Variants in FOXP2 observed in about 807,000 individuals in gnomAD.
FOXP2 encodes the protein forkhead box P2, also known as forkhead box protein P2.
In FOXP2, 12 loss-of-function variants were observed where a neutral mutation model predicts 115.8. That is an observed-to-expected ratio of 0.10 (90% CI 0.07 to 0.17). The LOEUF (loss-of-function observed/expected upper bound fraction) is 0.17, where lower values mean the gene tolerates loss of function less well. Among genes scored for constraint, FOXP2 ranks in the 10% least tolerant of loss-of-function variants. The pLI is 1.00. For missense variants in FOXP2, 629 were observed against 843.5 expected (o/e 0.75, Z 3.15); for synonymous variants, 328 against 297.7 (o/e 1.10, Z -1.05).
intron 1 of FOXP2, among the ~76,000 whole-genome samples, chr7:114,261,040 A>G (rs1351399212): frequency 6.6e-6 from 1 of 152,198 alleles, no homozygotes; most frequent in African/African-American, 2.4e-5. Flanking sequence ...TAGATGGTGG[A>G]TAAGCTATGT....
At chr7:114,244,158 CA>C (rs1584572315) in intron 1 of FOXP2, among the ~76,000 whole-genome samples, 1 of 152,040 alleles carries the variant, frequency 6.6e-6, no homozygotes, top group Admixed American at 6.6e-5. Flanking sequence ...TTCCGGTTTA[CA>C]AAAAATTGTG....
At chr7:114,348,193 A>G (rs1791393538) in intron 2 of FOXP2, among the ~76,000 whole-genome samples, 1 of 152,100 alleles carries the variant, frequency 6.6e-6, no homozygotes, top group Admixed American at 6.6e-5. Flanking sequence ...TAAGTCAAAT[A>G]CATTTAAAAA....
At chr7:114,233,149 T>A (rs1244990374) in intron 1 of FOXP2, among the ~76,000 whole-genome samples, 1 of 152,204 alleles carries the variant, frequency 6.6e-6, no homozygotes, top group Non-Finnish European at 1.5e-5. Context: ...AAAGGGTAGA[T>A]CTCATGTTAT....
chr7:114,498,162 C>G (rs914840360), intron 2 of FOXP2, among the ~76,000 whole-genome samples: 1 of 152,026 alleles, frequency 6.6e-6, no homozygotes, highest in Non-Finnish European at 1.5e-5. Flanking sequence ...TTTCACTTAG[C>G]TTTGTTTTTA....
At chr7:114,643,992 T>C (rs1299539496) in intron 7 of FOXP2, among the ~76,000 whole-genome samples, 3 of 152,184 alleles carry the variant, frequency 2.0e-5, no homozygotes, top group South Asian at 2.1e-4. Context: ...TTGAGTATCA[T>C]GGAAACTTTT....
Position 114,444,504 on chromosome 7 carries a change from G to A in FOXP2, c.168+17825G>A, listed in dbSNP as rs374503407. On this transcript the variant is annotated intron_variant, in intron 2 of 16. Coordinates refer to ENST00000350908, the MANE Select transcript of FOXP2 (RefSeq NM_014491.4). ...TGCTAAGCCATGTTAGTAATACTTC[G>A]TCCTCAAGATTGGACTTATCCTTTC... is the stretch of plus-strand genomic sequence containing the variant. Among the ~76,000 whole-genome samples, 40 of 152,164 alleles carry A rather than the reference G, an allele frequency of 2.6e-4. No homozygotes were observed. The South Asian group carries it at 6.2e-3, about 24-fold the overall frequency.
At chr7:114,662,281 A>G in intron 14 of FOXP2, 95 bp downstream of exon 14, 1 of 1,517,142 alleles carries the variant, frequency 6.6e-7, no homozygotes, top group Non-Finnish European at 9.1e-7. Flanking sequence ...CAGTTAGCTT[A>G]ATGGCATGCT....
At position 114,300,056 on chromosome 7, in the gene FOXP2, ACT is replaced by A. The variant is rs909747892; in HGVS notation, c.-11+11949_-11+11950del. ...CACTCACACACACACACGTACACAC[ACT>A]CACACACACACACAACTTTACTTTT... On this transcript the variant is annotated intron_variant, in intron 2 of 17. Coordinates refer to the FOXP2 transcript ENST00000634411. Among the ~76,000 whole-genome samples the A allele has an allele frequency of 1.9e-4, 29 of 152,010 alleles. No individual in the cohort carries two copies. In the South Asian group the frequency reaches 6.0e-3, roughly 32 times the overall value.
intron 2 of FOXP2, among the ~76,000 whole-genome samples, chr7:114,512,421 C>A (rs754281072): frequency 6.6e-6 from 1 of 152,132 alleles, no homozygotes; most frequent in Non-Finnish European, 1.5e-5. Context: ...TTAAGTAATA[C>A]TAACAGAGTA....
intron 1 of FOXP2, among the ~76,000 whole-genome samples, chr7:114,281,093 G>C (rs1205886830): frequency 7.8e-6 from 1 of 128,284 alleles, no homozygotes; most frequent in Admixed American, 9.6e-5. Context: ...TATGCAATTT[G>C]AATTTTTTTT....
At chr7:114,177,238 T>C (rs1318844525) in intron 1 of FOXP2, among the ~76,000 whole-genome samples, 1 of 152,188 alleles carries the variant, frequency 6.6e-6, no homozygotes, top group African/African-American at 2.4e-5. Context: ...ATCTATAGCA[T>C]AGTGTCAACT....
At position 114,414,922 on chromosome 7, in the gene FOXP2, GCACACACACACATA is replaced by G. The variant is rs1021590781; in HGVS notation, c.-438_-425del. 2.1e-5 allele frequency: 8 copies of G among 378,190 alleles called. No individual in the cohort carries two copies. Among genetic ancestry groups the G allele is most frequent in the Admixed American group, 2.1e-4 (7 of 33,178 alleles). The allele number at this position is 378,190 out of a possible 1,614,324, so 23.4% of individuals were successfully genotyped here. Reference sequence around the variant, plus strand: ...CACACACTCACACACTCACACACATGCACACACACACATACACACACACAAAAATGAAGCACTTA... The same window carrying G: ...CACACACTCACACACTCACACACATGCACACACACAAAAATGAAGCACTTA... On this transcript the variant is annotated 5_prime_UTR_variant, in exon 1 of 17. It removes the in-frame stop codon of an upstream open reading frame in the 5' UTR. Coordinates refer to ENST00000350908, the MANE Select transcript of FOXP2 (RefSeq NM_014491.4).
At chr7:114,234,041 A>G (rs1794951254) in intron 1 of FOXP2, among the ~76,000 whole-genome samples, 1 of 152,066 alleles carries the variant, frequency 6.6e-6, no homozygotes, top group African/African-American at 2.4e-5. Context: ...CTACAGAAGA[A>G]TATTGCCAAT....
chr7:114,117,121 C>T (rs1901186), intron 1 of FOXP2, among the ~76,000 whole-genome samples: 39,340 of 151,800 alleles, frequency 0.26, 7,921 homozygotes, highest in African/African-American at 0.55. Context: ...TAAATGTAGA[C>T]TCTACCTGGA....
chr7:114,525,696 G>C (rs1798822023), intron 2 of FOXP2, among the ~76,000 whole-genome samples: 1 of 152,090 alleles, frequency 6.6e-6, no homozygotes. Flanking sequence ...GCATGTCAAA[G>C]TCACCTGTCC....
chr7:114,257,799 A>C (rs1795659207), intron 1 of FOXP2, among the ~76,000 whole-genome samples: 1 of 152,280 alleles, frequency 6.6e-6, no homozygotes, highest in East Asian at 1.9e-4. Context: ...AGCAAACCAG[A>C]TAAACTGTTG....
At chr7:114,646,268 T>A (rs1315908839) in intron 8 of FOXP2, among the ~76,000 whole-genome samples, 2 of 152,042 alleles carry the variant, frequency 1.3e-5, no homozygotes, top group Non-Finnish European at 2.9e-5. Flanking sequence ...CCATGCATTT[T>A]ATTGCTCCAA....
chr7:114,142,753 T>C (rs1260061094), intron 1 of FOXP2, among the ~76,000 whole-genome samples: 1 of 152,074 alleles, frequency 6.6e-6, no homozygotes, highest in South Asian at 2.1e-4. Flanking sequence ...TATTAATATA[T>C]AGGCTGAAGT....
intron 2 of FOXP2, among the ~76,000 whole-genome samples, chr7:114,317,912 A>T (rs1158885787): frequency 6.6e-6 from 1 of 152,104 alleles, no homozygotes; most frequent in Middle Eastern, 3.2e-3. Flanking sequence ...CCTTTGCAGC[A>T]GCTGTTCCCT....
Sources: allele counts gnomAD v4.1 joint callset (sites outside exome capture counted in the v4.1 genomes callset), GRCh38; gene constraint gnomAD v4.1.1; transcripts MANE v1.5; gene names NCBI Gene and HGNC (gene_info 2026-07-23, HGNC 2026-07-21).